NFAT5: variants seen among roughly 807,000 people sequenced by gnomAD.
NFAT5 encodes the protein nuclear factor of activated T-cells 5.
NFAT5 carries 31 observed loss-of-function variants against 166.5 expected under a neutral mutation model. That is an observed-to-expected ratio of 0.19 (90% CI 0.14 to 0.25). The LOEUF is 0.25. Ranked by LOEUF, NFAT5 falls within the 10% of genes least tolerant of loss-of-function variation. The probability of loss-of-function intolerance (pLI) is 1.00; values close to 1 mark genes in which losing one functional copy is unlikely to be tolerated. For synonymous variants in NFAT5, 612 were observed against 639.7 expected, an observed-to-expected ratio of 0.96 and a Z score of 0.65; for missense variants, 1,449 against 1,821.8, an observed-to-expected ratio of 0.80 and a Z score of 3.72.
At chr16:69,645,636 G>A (rs1381959248) in intron 3 of NFAT5, among the ~76,000 whole-genome samples, 1 of 152,048 alleles carries the variant, frequency 6.6e-6, no homozygotes. Flanking sequence ...TATAATTGAT[G>A]TGTATGTTGC....
At chr16:69,690,320 A>G (rs3826153) in intron 11 of NFAT5, among the ~76,000 whole-genome samples, 14,071 of 147,396 alleles carry the variant, frequency 0.095, 881 homozygotes, top group East Asian at 0.34. Context: ...ATTTCTGGGG[A>G]AAAAAAAAAA....
At chr16:69,685,170 T>A (rs377454367) in intron 11 of NFAT5, 200 bp downstream of exon 11, 1,712 of 152,284 alleles carry the variant, frequency 0.011, 25 homozygotes, top group African/African-American at 0.022. Context: ...GAATATGTTT[T>A]TATATATATA....
chr16:69,633,206 G>A (rs901706679), intron 3 of NFAT5, among the ~76,000 whole-genome samples: 1 of 151,964 alleles, frequency 6.6e-6, no homozygotes, highest in Non-Finnish European at 1.5e-5. Context: ...TAAATATTGT[G>A]ATTTATTCAG....
At chr16:69,662,450 C>CTTTTTTTTTT (rs539200298) in intron 7 of NFAT5, among the ~76,000 whole-genome samples, 2 of 96,998 alleles carry the variant, frequency 2.1e-5, no homozygotes, top group African/African-American at 7.7e-5. Flanking sequence ...ACACCTCTTT[C>CTTTTTTTTTT]TTTTTTTTTT....
chr16:69,616,044 C>T (rs1249938423), intron 2 of NFAT5, among the ~76,000 whole-genome samples: 1 of 152,130 alleles, frequency 6.6e-6, no homozygotes, highest in East Asian at 1.9e-4. Context: ...CTGCCCTTTG[C>T]TTCTGCTCCC....
At chr16:69,584,226 A>G (rs2031889677) in intron 2 of NFAT5, among the ~76,000 whole-genome samples, 1 of 152,164 alleles carries the variant, frequency 6.6e-6, no homozygotes, top group Non-Finnish European at 1.5e-5. Flanking sequence ...ACTCTGTCTC[A>G]AAAACAAAAT....
At position 69,647,162 on chromosome 16, in the gene NFAT5, G is replaced by C; in HGVS notation, c.388G>C (p.Val130Leu). Reference protein sequence around the residue: ...AMQVESCSSAVGVSNRGVSEK... With the variant: ...AMQVESCSSALGVSNRGVSEK... Reference sequence around the variant, plus strand: ...GCAAGTGGAGAGCTGCTCCTCAGCCGTGGGGGTAAGTAACAGAGGGGTAAG... The same window carrying C: ...GCAAGTGGAGAGCTGCTCCTCAGCCCTGGGGGTAAGTAACAGAGGGGTAAG... The change falls in exon 4 of 15, where the codon GTG becomes CTG. Residue 130 changes from valine (V) to leucine (L), a missense_variant. Physicochemically the swap from Val to Leu is conservative, Grantham distance 32 (BLOSUM62 1). Around this residue, in one of 7 missense-constraint regions of NFAT5, gnomAD observed 172 missense variants for 194.5 expected, o/e 0.88. Transcript: ENST00000349945. This position sits in a 1 kb window ranked among gnomAD's most constrained non-coding sequence, Gnocchi z 4.8. The C allele has an allele frequency of 6.2e-7, 1 of 1,614,132 alleles. No individual in the cohort carries two copies. Among genetic ancestry groups the C allele is most frequent in the Non-Finnish European group, 8.5e-7 (1 of 1,180,002 alleles).
At chr16:69,595,965 G>A (rs1453363566) in intron 2 of NFAT5, among the ~76,000 whole-genome samples, 1 of 152,134 alleles carries the variant, frequency 6.6e-6, no homozygotes, top group African/African-American at 2.4e-5. Flanking sequence ...AGCTGGACTC[G>A]CAGGTCAACA....
intron 3 of NFAT5, among the ~76,000 whole-genome samples, chr16:69,631,508 A>G (rs1411489600): frequency 6.6e-6 from 1 of 152,194 alleles, no homozygotes; most frequent in African/African-American, 2.4e-5. Context: ...TTAATAATGC[A>G]TTAATAATTC....
At chr16:69,669,752 G>C (rs1344721717) in intron 7 of NFAT5, among the ~76,000 whole-genome samples, 1 of 152,154 alleles carries the variant, frequency 6.6e-6, no homozygotes, top group African/African-American at 2.4e-5. Context: ...ACTTGGACTT[G>C]GCACATTACT....
Position 69,568,393 on chromosome 16 carries a change from TAC to T in NFAT5, c.74-90_74-89del, listed in dbSNP as rs1282871753. On this transcript the variant is annotated intron_variant, in intron 1 of 14. Transcript: ENST00000349945. ...GTGTGTGTGTATATATATATATATA[TAC>T]ACACACACACATTGCAGTTATATAA... 251 of 500,994 alleles carry T rather than the reference TAC, an allele frequency of 5.0e-4. 2 individuals carry two copies. Among genetic ancestry groups the T allele is most frequent in the Middle Eastern group, 5.3e-4 (1 of 1,882 alleles). The allele number at this position is 500,994 out of a possible 1,614,324, so 31.0% of individuals were successfully genotyped here.
chr16:69,692,567 G>A lies in NFAT5; in HGVS notation c.2742G>A (p.Met914Ile), dbSNP rs752600679. 9.3e-6 allele frequency: 15 copies of A among 1,614,178 alleles called. No homozygotes were observed. The highest frequency in any genetic ancestry group is 1.2e-5 in the Non-Finnish European group (14 of 1,180,030). Reference protein sequence around the residue: ...QQQVMESSAAMVMEMQQSICQ... With the variant: ...QQQVMESSAAIVMEMQQSICQ... ...AAGTGATGGAATCTTCAGCCGCAAT[G>A]GTGATGGAGATGCAACAGAGTATCT... is the stretch of plus-strand genomic sequence containing the variant. Residue 914 changes from methionine to isoleucine, a missense_variant, in exon 13 of 15, where the codon ATG becomes ATA. Coordinates refer to ENST00000349945, the MANE Select transcript of NFAT5 (RefSeq NM_138713.4).
chr16:69,607,186 G>A (rs2033457030), intron 2 of NFAT5, among the ~76,000 whole-genome samples: 1 of 152,092 alleles, frequency 6.6e-6, no homozygotes, highest in Non-Finnish European at 1.5e-5. Context: ...CTTGTCCAAG[G>A]TCACACAAAA....
intron 2 of NFAT5, among the ~76,000 whole-genome samples, chr16:69,584,935 T>C (rs966497586): frequency 3.9e-5 from 6 of 152,158 alleles, no homozygotes; most frequent in African/African-American, 1.4e-4. Flanking sequence ...TATTCACAAA[T>C]ATAAATGTAT....
intron 2 of NFAT5, among the ~76,000 whole-genome samples, chr16:69,625,986 G>A (rs896223964): frequency 6.7e-6 from 1 of 148,708 alleles, no homozygotes; most frequent in African/African-American, 2.5e-5. Flanking sequence ...TTGAAACAGG[G>A]TCTCACCCAG....
chr16:69,682,388 A>G (rs963238728), intron 10 of NFAT5, among the ~76,000 whole-genome samples: 5 of 150,812 alleles, frequency 3.3e-5, no homozygotes, highest in African/African-American at 9.8e-5. Context: ...CAAGAGGATC[A>G]CTTGAGCCCA....
chr16:69,662,441 C>T (rs1175216728), intron 7 of NFAT5, among the ~76,000 whole-genome samples: 2 of 146,198 alleles, frequency 1.4e-5, no homozygotes, highest in East Asian at 4.0e-4. Flanking sequence ...AGGTAGACAA[C>T]ACCTCTTTCT....
At chr16:69,597,384 C>A (rs189388362) in intron 2 of NFAT5, among the ~76,000 whole-genome samples, 52 of 152,038 alleles carry the variant, frequency 3.4e-4, no homozygotes, top group African/African-American at 1.2e-3. Flanking sequence ...ATATATATAT[C>A]TCTTGCGATT....
intron 2 of NFAT5, among the ~76,000 whole-genome samples, chr16:69,618,043 A>C (rs2034034702): frequency 6.6e-6 from 1 of 151,758 alleles, no homozygotes; most frequent in Admixed American, 6.6e-5. Context: ...CTGTAATCCC[A>C]GCTATTTGGG....
Sources: gnomAD v4.1 joint callset for allele counts (sites outside exome capture counted in the v4.1 genomes callset) on GRCh38, gnomAD v4.1.1 for gene constraint, gnomAD v4.1.1 regional missense constraint, Gnocchi (gnomAD v3.1) non-coding constraint, MANE v1.5 for transcripts, NCBI Gene and HGNC (gene_info 2026-07-23, HGNC 2026-07-21) for gene names.